Variants in STAB1 observed in about 807,000 individuals in gnomAD.
The protein encoded by STAB1 is stabilin-1.
STAB1 carries 250 observed loss-of-function variants against 332.4 expected under a neutral mutation model. The observed-to-expected ratio is 0.75, with a 90% CI of 0.68 to 0.84. The LOEUF is 0.84. Ranked by LOEUF, STAB1 falls within the 40% of genes least tolerant of loss-of-function variation. STAB1 has a pLI of 0.00. For missense variants in STAB1, 3,249 were observed against 3,489.7 expected, an observed-to-expected ratio of 0.93 and a Z score of 1.74; for synonymous variants, 1,475 against 1,390.4, an observed-to-expected ratio of 1.06 and a Z score of -1.35.
In STAB1 at chr3:52,522,162, C is replaced by T. The variant is rs750412596; in HGVS notation, c.6397C>T (p.Arg2133Cys). 40 of 1,612,752 alleles carry T rather than the reference C, an allele frequency of 2.5e-5. No individual in the cohort carries two copies. The highest frequency in any genetic ancestry group is 3.3e-5 in the Admixed American group (2 of 59,998). Residue 2133 changes from arginine to cysteine, a missense_variant, in exon 59 of 69, where the codon CGC becomes TGC. Physicochemically the swap from Arg to Cys is radical, Grantham distance 180. Coordinates refer to ENST00000321725, the MANE Select transcript of STAB1 (RefSeq NM_015136.3). ...YEGDGWSCRA[R>C]NPCTDGHRGG... is the part of the protein sequence containing the mutation. Reference sequence around the variant, plus strand: ...GGGTGATGGCTGGAGCTGCCGGGCCCGCAACCCCTGCACAGATGGCCACCG... The same window carrying T: ...GGGTGATGGCTGGAGCTGCCGGGCCTGCAACCCCTGCACAGATGGCCACCG...
intron 5 of STAB1, 117 bp downstream of exon 5, chr3:52,502,345 T>G: frequency 8.7e-7 from 1 of 1,147,962 alleles, no homozygotes; most frequent in Non-Finnish European, 1.3e-6. Context: ...CCCCTCAGAT[T>G]TGCACATCCC....
At chr3:52,515,903 C>A in intron 37 of STAB1, 140 bp from the exon 38 acceptor site, 1 of 974,834 alleles carries the variant, frequency 1.0e-6, no homozygotes, top group Non-Finnish European at 1.5e-6. Flanking sequence ...TCTCTTTCAG[C>A]TCTGAGCTGC....
At chr3:52,514,908 G>T in intron 35 of STAB1, 79 bp downstream of exon 35, 1 of 1,612,400 alleles carries the variant, frequency 6.2e-7, no homozygotes, top group Non-Finnish European at 8.5e-7. Flanking sequence ...TAGTGGGGAG[G>T]GGCGCATGGT....
intron 7 of STAB1, 47 bp from the exon 8 acceptor site, chr3:52,503,297 G>T: frequency 6.4e-7 from 1 of 1,564,386 alleles, no homozygotes; most frequent in Non-Finnish European, 8.7e-7. Flanking sequence ...GCGGAGACAG[G>T]GCTCCTGGGT....
rs756223060 is a variant in STAB1, at chr3:52,522,080, C to G, written c.6315C>G (p.His2105Gln). 1.2e-6 allele frequency: 2 copies of G among 1,613,262 alleles called. No homozygotes were observed. Among genetic ancestry groups the G allele is most frequent in the Middle Eastern group, 1.6e-4 (1 of 6,062 alleles). The change falls in exon 59 of 69, where the codon CAC becomes CAG. Residue 2105 changes from histidine to glutamine, a missense_variant. Coordinates refer to ENST00000321725, the MANE Select transcript of STAB1 (RefSeq NM_015136.3). ...ACGGGCATGGTGGCTGCAGTGAGCA[C>G]GCCAACTGTAGCCAGGTAGGAACAA... ...CQDGHGGCSE[H>Q]ANCSQVGTMV...
At position 52,505,088 on chromosome 3, in the gene STAB1, A is replaced by T. The variant is rs752349266; in HGVS notation, c.1463A>T (p.His488Leu). 5 of 1,613,616 alleles carry T rather than the reference A, an allele frequency of 3.1e-6. No homozygotes were observed. Among genetic ancestry groups the T allele is most frequent in the Non-Finnish European group, 1.7e-6 (2 of 1,180,032 alleles). The change falls in exon 13 of 69, where the codon CAC becomes CTC. Residue 488 changes from histidine to leucine, a missense_variant. Physicochemically the swap from His to Leu is moderately conservative, Grantham distance 99. Coordinates refer to ENST00000321725, the MANE Select transcript of STAB1 (RefSeq NM_015136.3). Reference sequence around the variant, plus strand: ...AACATAGCAGCTAATGGCGTCTTCCACGTGGTCACTGGCCTGCGGTGGCAG... The same window carrying T: ...AACATAGCAGCTAATGGCGTCTTCCTCGTGGTCACTGGCCTGCGGTGGCAG... ...ANNIAANGVF[H>L]VVTGLRWQAP... is the part of the protein sequence containing the mutation.
At position 52,518,788 on chromosome 3, in the gene STAB1, G is replaced by T. The variant is rs767234451; in HGVS notation, c.4953G>T (p.Arg1651=). Residue 1651 remains arginine, a synonymous_variant, in exon 48 of 69, where the codon CGG becomes CGT. Transcript: ENST00000321725. The part of the protein sequence containing the change: ...LVFRYHVVGC[R]RLRSEDLLEQ... ...TTCGCTACCACGTGGTTGGCTGTCG[G>T]CGGCTGCGGAGCGAGGACCTGCTGG... 1.5e-5 allele frequency: 24 copies of T among 1,612,118 alleles called. No individual in the cohort carries two copies. Among genetic ancestry groups the T allele is most frequent in the Non-Finnish European group, 1.9e-5 (23 of 1,179,788 alleles).
At chr3:52,519,882 T>C in intron 50 of STAB1, 62 bp from the exon 51 acceptor site, 4 of 1,509,430 alleles carry the variant, frequency 2.7e-6, no homozygotes, top group Non-Finnish European at 3.5e-6. Context: ...CACAGCCCCC[T>C]GCCTTTGCTA....
At position 52,523,919 on chromosome 3, in the gene STAB1, G is replaced by T; in HGVS notation, c.7444G>T (p.Ala2482Ser). 1.2e-6 allele frequency: 2 copies of T among 1,609,308 alleles called. No homozygotes were observed. ...EAPPVAAGVG[A>S]VLAAGALLGL... ...CCCACCTGTGGCGGCAGGCGTGGGG[G>T]CTGTGCTTGCCGCTGGAGCACTGCT... The change falls in exon 67 of 69, where the codon GCT becomes TCT. Residue 2482 changes from alanine (A) to serine (S), a missense_variant. Transcript: ENST00000321725.
chr3:52,522,688 G>C lies in STAB1; in HGVS notation c.6744G>C (p.Gln2248His). ...ASFPQLSAAQ[Q>H]LGFHLCLMGW... ...TCCCTCAGCTCTCTGCTGCCCAGCA[G>C]GTGTGTGGGGCCCAGAAGTTGGGGC... The change falls in exon 61 of 69, where the codon CAG becomes CAC. Residue 2248 changes from glutamine (Q) to histidine (H), a missense_variant and splice_region_variant. Transcript: ENST00000321725. The C allele has an allele frequency of 6.2e-7, 1 of 1,612,964 alleles. No homozygotes were observed. Among genetic ancestry groups the C allele is most frequent in the Admixed American group, 1.7e-5 (1 of 60,026 alleles).
Position 52,519,369 on chromosome 3 carries a change from C to A in STAB1, c.5140C>A (p.Leu1714Met), listed in dbSNP as rs766800505. The change falls in exon 49 of 69, where the codon CTG (leucine) becomes ATG (methionine). Residue 1714 changes from leucine (L) to methionine (M), a missense_variant. Transcript: ENST00000321725. ...IDRVLLPPEA[L>M]HWEPDDAPIP... ...CCGTGTCCTGCTGCCCCCCGAGGCG[C>A]TGCACTGGGAGCCTGATGATGCTCC... The A allele has an allele frequency of 3.7e-6, 6 of 1,613,136 alleles. No homozygotes were observed. The Admixed American group carries it at 1.0e-4, about 27-fold the overall frequency.
In STAB1 at chr3:52,523,439, C is replaced by T. The variant is rs1383812540; in HGVS notation, c.7153C>T (p.Pro2385Ser). ...GFVDNMTLSGPDLELHASNAT... is the reference protein window; with the variant it reads ...GFVDNMTLSGSDLELHASNAT... ...GCTCTGCTCACAGACGCTGAGTGGC[C>T]CAGACTTGGAGCTGCATGCCTCCAA... The change falls in exon 65 of 69, where the codon CCA (proline) becomes TCA (serine). Residue 2385 changes from proline (P) to serine (S), a missense_variant. By Grantham distance (74) the Pro-to-Ser change is moderately conservative. Transcript: ENST00000321725. 1.9e-6 allele frequency: 3 copies of T among 1,608,902 alleles called. No homozygotes were observed. The highest frequency in any genetic ancestry group is 2.5e-6 in the Non-Finnish European group (3 of 1,177,240).
In STAB1 at chr3:52,514,189, G is replaced by A; in HGVS notation, c.3522G>A (p.Glu1174=). ...TIFVPTNRSL[E]AQGNSSHLDA... ...TTGTGCCCACCAACCGCTCCCTGGA[G>A]GCCCAGGGCAACAGCAGTCACCTGG... is the stretch of plus-strand genomic sequence containing the variant. Residue 1174 remains glutamate (E), a synonymous_variant, in exon 33 of 69, where the codon GAG becomes GAA. Coordinates refer to ENST00000321725, the MANE Select transcript of STAB1 (RefSeq NM_015136.3). The A allele has an allele frequency of 1.2e-6, 2 of 1,613,300 alleles. No homozygotes were observed. The highest frequency in any genetic ancestry group is 1.7e-6 in the Non-Finnish European group (2 of 1,179,986).
intron 50 of STAB1, 63 bp from the exon 51 acceptor site, chr3:52,519,881 C>T (rs948386923): frequency 2.7e-6 from 4 of 1,508,106 alleles, no homozygotes; most frequent in African/African-American, 1.4e-5. Context: ...GCACAGCCCC[C>T]TGCCTTTGCT....
At chr3:52,510,258 T>C (rs1466781258) in intron 24 of STAB1, 23 bp downstream of exon 24, 1 of 1,613,986 alleles carries the variant, frequency 6.2e-7, no homozygotes, top group Admixed American at 1.7e-5. Flanking sequence ...GCTCCTTCCC[T>C]GAAGTTCTGA....
chr3:52,509,129 C>A, intron 21 of STAB1, 81 bp from the exon 22 acceptor site: 3 of 1,296,924 alleles, frequency 2.3e-6, no homozygotes, highest in Non-Finnish European at 3.2e-6. Flanking sequence ...AGAGCCAGCC[C>A]ATGAAAGGAG....
chr3:52,497,566 C>A (rs1708131775), intron 1 of STAB1, among the ~76,000 whole-genome samples: 1 of 152,040 alleles, frequency 6.6e-6, no homozygotes, highest in Admixed American at 6.6e-5. Flanking sequence ...GCGCACACCA[C>A]CACACTTGGC....
At chr3:52,515,371 C>T in intron 36 of STAB1, 52 bp from the exon 37 acceptor site, 3 of 1,569,674 alleles carry the variant, frequency 1.9e-6, no homozygotes, top group Non-Finnish European at 2.6e-6. Context: ...ATTCACTGCC[C>T]TGCCCCTGCC....
chr3:52,523,301 C>T lies in STAB1; in HGVS notation c.7100C>T (p.Thr2367Ile), dbSNP rs1428866742. 9 of 1,612,320 alleles carry T rather than the reference C, an allele frequency of 5.6e-6. No homozygotes were observed. Among genetic ancestry groups the T allele is most frequent in the Non-Finnish European group, 7.6e-6 (9 of 1,180,018 alleles). ...CTGGATGATGAGCTCACGTATAAGA[C>T]ACTCTTCGTCCCTGTCAATGAAGGC... ...DFLDDELTYK[T>I]LFVPVNEGFV... Residue 2367 changes from threonine to isoleucine, a missense_variant, in exon 64 of 69, where the codon ACA becomes ATA. Thr to Ile is a moderately conservative substitution (Grantham distance 89, BLOSUM62 -1). Coordinates refer to ENST00000321725, the MANE Select transcript of STAB1 (RefSeq NM_015136.3).
Sources: allele counts gnomAD v4.1 joint callset (sites outside exome capture counted in the v4.1 genomes callset), GRCh38; gene constraint gnomAD v4.1.1; transcripts MANE v1.5; gene names NCBI Gene and HGNC (gene_info 2026-07-23, HGNC 2026-07-21).